PDE1C: variants seen among roughly 807,000 people sequenced by gnomAD.
PDE1C encodes dual specificity calcium/calmodulin-dependent 3',5'-cyclic nucleotide phosphodiesterase 1C.
In PDE1C, 62 loss-of-function variants were observed where a neutral mutation model predicts 93.1. The ratio of observed to expected loss-of-function variants is 0.67; its 90% CI spans 0.54 to 0.82. The LOEUF (loss-of-function observed/expected upper bound fraction) is 0.82. Among genes scored for constraint, PDE1C ranks in the 40% least tolerant of loss-of-function variants. The probability of loss-of-function intolerance (pLI) is 0.00; values close to 1 mark genes in which losing one functional copy is unlikely to be tolerated. For synonymous variants in PDE1C, 325 were observed against 310.1 expected (o/e 1.05, Z -0.50); for missense variants, 742 against 884.6 (o/e 0.84, Z 2.04).
chr7:31,730,676 G>A, the PDE1C span, among the ~76,000 whole-genome samples: 18 of 152,270 alleles, frequency 1.2e-4, no homozygotes, highest in South Asian at 1.5e-3. Context: ...AGGTTGAGTC[G>A]TTTCTGTCCT....
intron 2 of PDE1C, among the ~76,000 whole-genome samples, chr7:31,935,465 C>T (rs545728720): frequency 7.9e-5 from 12 of 152,178 alleles, no homozygotes; most frequent in Middle Eastern, 3.4e-3. Context: ...GTTCATACAC[C>T]TGAAAGGAAA....
the PDE1C span, among the ~76,000 whole-genome samples, chr7:31,669,891 C>A: frequency 6.6e-6 from 1 of 152,128 alleles, no homozygotes; most frequent in Non-Finnish European, 1.5e-5. Flanking sequence ...TTTCTCTAAC[C>A]CCTACCCTTT....
At chr7:32,142,370 G>T (rs1800590016) in intron 3 of PDE1C, among the ~76,000 whole-genome samples, 1 of 152,114 alleles carries the variant, frequency 6.6e-6, no homozygotes, top group Admixed American at 6.5e-5. Flanking sequence ...GCCCTCAAGG[G>T]TGTCAATTTC....
chr7:32,134,715 A>C (rs1800106416), intron 3 of PDE1C, among the ~76,000 whole-genome samples: 1 of 152,122 alleles, frequency 6.6e-6, no homozygotes, highest in Admixed American at 6.6e-5. Flanking sequence ...CAATGAGAAC[A>C]CATGGACACA....
intron 1 of PDE1C, among the ~76,000 whole-genome samples, chr7:32,265,278 C>T (rs1810491578): frequency 6.6e-6 from 1 of 152,180 alleles, no homozygotes; most frequent in South Asian, 2.1e-4. Context: ...AGTGAAGCTG[C>T]TCTATCCTTC....
At chr7:31,619,310 G>T in the PDE1C span, among the ~76,000 whole-genome samples, 1 of 152,138 alleles carries the variant, frequency 6.6e-6, no homozygotes, top group Non-Finnish European at 1.5e-5. Context: ...GGTCCATAAA[G>T]TTAGTGATTT....
chr7:32,342,516 G>C (rs1336520469), intron 1 of PDE1C, among the ~76,000 whole-genome samples: 1 of 152,078 alleles, frequency 6.6e-6, no homozygotes, highest in Non-Finnish European at 1.5e-5. Flanking sequence ...TTTTAAATAT[G>C]TATGTTTGCA....
At chr7:32,124,460 A>G (rs1243804292) in intron 3 of PDE1C, among the ~76,000 whole-genome samples, 1 of 152,224 alleles carries the variant, frequency 6.6e-6, no homozygotes, top group Non-Finnish European at 1.5e-5. Context: ...ACTATACTAC[A>G]AGGCTACAGT....
chr7:32,376,451 T>A, intron 1 of PDE1C, among the ~76,000 whole-genome samples: 1 of 152,198 alleles, frequency 6.6e-6, no homozygotes, highest in East Asian at 1.9e-4. Flanking sequence ...CCCACTGGGA[T>A]TGCTGGCAGG....
At chr7:32,290,868 G>T (rs1000478984) in intron 1 of PDE1C, among the ~76,000 whole-genome samples, 4 of 152,102 alleles carry the variant, frequency 2.6e-5, no homozygotes, top group African/African-American at 9.7e-5. Context: ...TTGAACAACA[G>T]AAAGCAGAAG....
At chr7:31,758,672 ATTC>A (rs1008981599) in intron 17 of PDE1C, among the ~76,000 whole-genome samples, 75 of 152,326 alleles carry the variant, frequency 4.9e-4, no homozygotes, top group African/African-American at 1.7e-3. Context: ...AGTAATATAT[ATTC>A]TTCTATATTA....
the PDE1C span, among the ~76,000 whole-genome samples, chr7:31,728,931 A>T: frequency 6.6e-6 from 1 of 152,234 alleles, no homozygotes; most frequent in Non-Finnish European, 1.5e-5. Context: ...TTCTGCACCC[A>T]ATGGGGCTAA....
At chr7:32,312,683 G>A (rs1005366729) in intron 1 of PDE1C, among the ~76,000 whole-genome samples, 1 of 152,146 alleles carries the variant, frequency 6.6e-6, no homozygotes, top group Non-Finnish European at 1.5e-5. Flanking sequence ...AATGGTGCTG[G>A]GAAAACTGGC....
chr7:31,673,446 CTTTAATA>C, the PDE1C span, among the ~76,000 whole-genome samples: 4 of 152,074 alleles, frequency 2.6e-5, no homozygotes, highest in African/African-American at 9.7e-5. Context: ...GTCTCTCTCT[CTTTAATA>C]TTTAAGATAT....
At chr7:31,964,017 G>A (rs967638282) in intron 2 of PDE1C, among the ~76,000 whole-genome samples, 2 of 152,240 alleles carry the variant, frequency 1.3e-5, no homozygotes, top group Non-Finnish European at 2.9e-5. Flanking sequence ...GCTATCTACA[G>A]CTCCCAGTGT....
intron 1 of PDE1C, among the ~76,000 whole-genome samples, chr7:32,379,004 C>G (rs1784483352): frequency 6.6e-6 from 1 of 152,212 alleles, no homozygotes; most frequent in Admixed American, 6.5e-5. Context: ...CCTTCAGAGG[C>G]TCCCCATTGC....
At chr7:32,261,581 G>A (rs1810206179) in intron 1 of PDE1C, among the ~76,000 whole-genome samples, 1 of 152,216 alleles carries the variant, frequency 6.6e-6, no homozygotes, top group Non-Finnish European at 1.5e-5. Context: ...TGGGCAAGGT[G>A]AAACCATTGG....
intron 2 of PDE1C, among the ~76,000 whole-genome samples, chr7:32,203,340 C>T (rs1805166435): frequency 6.6e-6 from 1 of 152,184 alleles, no homozygotes. Flanking sequence ...CTAGCACTGT[C>T]TCGGACATGA....
At chr7:31,745,066 G>A in the PDE1C span, among the ~76,000 whole-genome samples, 2 of 152,114 alleles carry the variant, frequency 1.3e-5, no homozygotes, top group Non-Finnish European at 2.9e-5. Flanking sequence ...ATAAAGAGAT[G>A]TTTAACCAGC....
Sources: gnomAD v4.1 joint callset for allele counts (sites outside exome capture counted in the v4.1 genomes callset) on GRCh38, gnomAD v4.1.1 for gene constraint, MANE v1.5 for transcripts, NCBI Gene and HGNC (gene_info 2026-07-23, HGNC 2026-07-21) for gene names.